The following SLC39A11 variants were observed in gnomAD, a reference collection of about 807,000 sequenced individuals.
SLC39A11 encodes solute carrier family 39 member 11.
SLC39A11 carries 33 observed loss-of-function variants against 36.1 expected under a neutral mutation model. That is an observed-to-expected ratio of 0.91 (90% CI 0.69 to 1.22). The LOEUF is 1.22. Among genes scored for constraint, SLC39A11 ranks in the 50% most tolerant of loss-of-function variants. The pLI, the probability that SLC39A11 is intolerant of heterozygous loss-of-function variation, is 0.00. For missense variants in SLC39A11, 432 were observed against 430.3 expected (o/e 1.00, Z -0.03); for synonymous variants, 166 against 170.3 (o/e 0.97, Z 0.20).
intron 4 of SLC39A11, among the ~76,000 whole-genome samples, chr17:72,998,856 TG>T (rs2089664713): frequency 6.6e-6 from 1 of 151,818 alleles, no homozygotes; most frequent in Non-Finnish European, 1.5e-5. Flanking sequence ...TTCTGAGAGG[TG>T]GAAGGGAGAT....
At chr17:72,776,473 G>A (rs2076134609) in intron 6 of SLC39A11, among the ~76,000 whole-genome samples, 1 of 151,916 alleles carries the variant, frequency 6.6e-6, no homozygotes, top group Admixed American at 6.6e-5. Context: ...TGCTTTTACT[G>A]AAATCTGTAT....
intron 7 of SLC39A11, among the ~76,000 whole-genome samples, chr17:72,712,094 C>A (rs1280192620): frequency 1.3e-5 from 2 of 152,210 alleles, no homozygotes; most frequent in East Asian, 3.9e-4. Flanking sequence ...GTTGCCTCCC[C>A]ATGCAAGCAC....
chr17:72,967,399 A>AGTGTGTGTGTGTGTGTGT (rs1555655753), intron 4 of SLC39A11, among the ~76,000 whole-genome samples: 23 of 138,276 alleles, frequency 1.7e-4, no homozygotes, highest in Admixed American at 4.3e-4. Flanking sequence ...AGAGAGAGAG[A>AGTGTGTGTGTGTGTGTGT]GTGTGTGTGT....
At chr17:73,045,958 T>C (rs929808195) in intron 3 of SLC39A11, among the ~76,000 whole-genome samples, 1 of 152,162 alleles carries the variant, frequency 6.6e-6, no homozygotes, top group African/African-American at 2.4e-5. Flanking sequence ...CACCAGCTGC[T>C]CAAGCCTCCC....
intron 5 of SLC39A11, among the ~76,000 whole-genome samples, chr17:72,872,125 G>C (rs559268450): frequency 1.7e-4 from 26 of 152,332 alleles, no homozygotes; most frequent in African/African-American, 5.5e-4. Context: ...GTCTATGATG[G>C]TGTCTGCTCC....
intron 3 of SLC39A11, among the ~76,000 whole-genome samples, chr17:73,083,813 C>T (rs767394194): frequency 7.2e-5 from 11 of 152,050 alleles, no homozygotes; most frequent in Non-Finnish European, 1.6e-4. Context: ...TATAACAAAA[C>T]AATATTAGAT....
intron 1 of SLC39A11, among the ~76,000 whole-genome samples, chr17:73,091,534 G>A (rs2060923093): frequency 6.6e-6 from 1 of 152,184 alleles, no homozygotes; most frequent in South Asian, 2.1e-4. Flanking sequence ...CCCCATGTGG[G>A]ATTGGCAAGA....
chr17:72,683,620 G>A (rs533855633), intron 7 of SLC39A11, among the ~76,000 whole-genome samples: 1 of 152,090 alleles, frequency 6.6e-6, no homozygotes, highest in Admixed American at 6.6e-5. Flanking sequence ...GAGCCACTGC[G>A]CCTGGCCTGA....
intron 3 of SLC39A11, among the ~76,000 whole-genome samples, chr17:73,080,983 T>TAAAG (rs1432267146): frequency 6.7e-6 from 1 of 149,292 alleles, no homozygotes; most frequent in Admixed American, 6.7e-5. Flanking sequence ...AATAAATAAA[T>TAAAG]AAATAATAAA....
At chr17:72,661,781 T>G (rs1388889763) in intron 7 of SLC39A11, among the ~76,000 whole-genome samples, 2 of 152,126 alleles carry the variant, frequency 1.3e-5, no homozygotes, top group Non-Finnish European at 2.9e-5. Context: ...TGGTGCAGGC[T>G]GGCGAGATGA....
At chr17:72,784,582 C>T (rs1245577337) in intron 6 of SLC39A11, among the ~76,000 whole-genome samples, 1 of 152,040 alleles carries the variant, frequency 6.6e-6, no homozygotes, top group Non-Finnish European at 1.5e-5. Context: ...GAGGTGGGGC[C>T]TGGCGGGAGG....
chr17:73,059,382 A>G (rs2059768244), intron 3 of SLC39A11, among the ~76,000 whole-genome samples: 1 of 152,178 alleles, frequency 6.6e-6, no homozygotes, highest in South Asian at 2.1e-4. Context: ...AACTGGAAAT[A>G]AGCCCAGGCA....
intron 6 of SLC39A11, among the ~76,000 whole-genome samples, chr17:72,832,667 C>T (rs2078335945): frequency 6.6e-6 from 1 of 152,142 alleles, no homozygotes; most frequent in Non-Finnish European, 1.5e-5. Context: ...TTTCAGAATC[C>T]AACCTTGGTT....
rs368620628 is a variant in SLC39A11, at chr17:72,980,024, T to C, written c.307-32149A>G. On this transcript the variant is annotated intron_variant, in intron 4 of 9. Transcript: ENST00000255559. Reference sequence around the variant, plus strand: ...CTCCAGCTGGGACAGCCACCCTTCCTGTCCCCAGCCACCCTGCTCTGTTAA... The same window carrying C: ...CTCCAGCTGGGACAGCCACCCTTCCCGTCCCCAGCCACCCTGCTCTGTTAA... Among the ~76,000 whole-genome samples, 72 of 152,252 alleles carry C rather than the reference T, an allele frequency of 4.7e-4. 1 individual carries two copies. The East Asian group carries it at 0.011, about 24-fold the overall frequency.
chr17:72,876,218 G>A (rs2080891148), intron 5 of SLC39A11, among the ~76,000 whole-genome samples: 1 of 152,076 alleles, frequency 6.6e-6, no homozygotes, highest in Admixed American at 6.6e-5. Flanking sequence ...ATCAATGGGT[G>A]GAAACAGAAA....
intron 6 of SLC39A11, among the ~76,000 whole-genome samples, chr17:72,746,925 T>C (rs1332410713): frequency 6.6e-6 from 1 of 151,432 alleles, no homozygotes; most frequent in Non-Finnish European, 1.5e-5. Context: ...CATGAACCTG[T>C]GGTACTAGCT....
chr17:72,683,121 G>GC (rs1409782682), intron 7 of SLC39A11, among the ~76,000 whole-genome samples: 1 of 152,128 alleles, frequency 6.6e-6, no homozygotes, highest in African/African-American at 2.4e-5. Context: ...TGTTTTGGGT[G>GC]CCCCCTACAT....
chr17:72,759,766 T>C (rs932916578), intron 6 of SLC39A11, among the ~76,000 whole-genome samples: 5 of 152,086 alleles, frequency 3.3e-5, no homozygotes, highest in Admixed American at 6.5e-5. Flanking sequence ...GGGTGGAAAA[T>C]GAGCTAAAAC....
chr17:73,048,780 T>C (rs1418136236), intron 3 of SLC39A11, among the ~76,000 whole-genome samples: 2 of 152,330 alleles, frequency 1.3e-5, no homozygotes, highest in Non-Finnish European at 2.9e-5. Flanking sequence ...ACTACGTATG[T>C]TTATTATGTC....
Sources: gnomAD v4.1 joint callset for allele counts (sites outside exome capture counted in the v4.1 genomes callset) on GRCh38, gnomAD v4.1.1 for gene constraint, MANE v1.5 for transcripts, NCBI Gene and HGNC (gene_info 2026-07-23, HGNC 2026-07-21) for gene names.